FKBP6: variants seen among roughly 807,000 people sequenced by gnomAD.
FKBP6 encodes the protein FKBP prolyl isomerase family member 6 (inactive).
In FKBP6, 29 loss-of-function variants were observed where a neutral mutation model predicts 41.7. The observed-to-expected ratio is 0.70, with a 90% CI of 0.52 to 0.95. The LOEUF (loss-of-function observed/expected upper bound fraction) is 0.95, where lower values mean the gene tolerates loss of function less well. Among genes scored for constraint, FKBP6 ranks in the 40% least tolerant of loss-of-function variants. The pLI, the probability that FKBP6 is intolerant of heterozygous loss-of-function variation, is 0.00. For missense variants in FKBP6, 338 were observed against 408.7 expected, an observed-to-expected ratio of 0.83 and a Z score of 1.49; for synonymous variants, 130 against 165.1, an observed-to-expected ratio of 0.79 and a Z score of 1.63.
intron 8 of FKBP6, among the ~76,000 whole-genome samples, chr7:73,346,891 G>T (rs1479480086): frequency 2.0e-5 from 3 of 152,172 alleles, no homozygotes; most frequent in Non-Finnish European, 4.4e-5. Context: ...TGTGGAGGAG[G>T]GCAGCTTTAG....
chr7:73,355,468 G>A (rs926430124), intron 8 of FKBP6, among the ~76,000 whole-genome samples: 3 of 151,982 alleles, frequency 2.0e-5, no homozygotes, highest in Non-Finnish European at 4.4e-5. Context: ...GGATCCCTTC[G>A]TCTGTAGGGA....
chr7:73,342,102 A>C (rs1009195586), intron 7 of FKBP6, among the ~76,000 whole-genome samples: 8 of 152,004 alleles, frequency 5.3e-5, no homozygotes, highest in African/African-American at 1.9e-4. Flanking sequence ...GGTCTGACTC[A>C]TACCCATGGA....
intron 5 of FKBP6, among the ~76,000 whole-genome samples, chr7:73,336,415 T>C (rs1412256742): frequency 6.6e-6 from 1 of 152,104 alleles, no homozygotes; most frequent in African/African-American, 2.4e-5. Flanking sequence ...TTCAAATATG[T>C]GTGGATGGAT....
rs1426906046 is a variant in FKBP6 at position 73,328,440 on chromosome 7, C to T, written c.12C>T (p.Ser4=). 15 of 1,552,664 alleles carry T rather than the reference C, an allele frequency of 9.7e-6. No individual in the cohort carries two copies. The highest frequency in any genetic ancestry group is 4.3e-4 in the Middle Eastern group (2 of 4,662). ...AGGGCAGCTAGGACATGGGGGGAAG[C>T]GCGTTAAACCAGGGAGTCCTGGAAG... MGG[S]ALNQGVLEGD... Residue 4 remains serine (S), a synonymous_variant, in exon 1 of 9, where the codon AGC becomes AGT. Coordinates refer to ENST00000252037, the MANE Select transcript of FKBP6 (RefSeq NM_003602.5).
intron 8 of FKBP6, among the ~76,000 whole-genome samples, chr7:73,354,331 C>T (rs1312848342): frequency 1.3e-5 from 2 of 152,142 alleles, no homozygotes; most frequent in Non-Finnish European, 2.9e-5. Flanking sequence ...TGGTGGAGCA[C>T]GAGGGTGGCT....
intron 5 of FKBP6, among the ~76,000 whole-genome samples, chr7:73,333,561 C>T (rs1563312602): frequency 1.3e-5 from 2 of 152,218 alleles, no homozygotes; most frequent in African/African-American, 2.4e-5. Flanking sequence ...ACTCTTCTCC[C>T]CTCCCTCCTT....
Position 73,329,964 on chromosome 7 carries a change from A to G in FKBP6, c.266-186A>G, listed in dbSNP as rs1242596754. ...TGGGGGCATTTGAACTGAGCCTGGA[A>G]GTTTGAATAAAATTTATATCAGTAG... On this transcript the variant is annotated intron_variant, in intron 3 of 8. Transcript: ENST00000252037. 21 of 647,776 alleles carry G rather than the reference A, an allele frequency of 3.2e-5. No individual in the cohort carries two copies. In the Admixed American group the frequency reaches 4.9e-4, roughly 15 times the overall value. The allele number at this position is 647,776 out of a possible 1,614,324, so 40.1% of individuals were successfully genotyped here. A position where few individuals can be genotyped will look rare whatever the true frequency, so the allele number is the denominator to read the frequency against.
chr7:73,353,894 C>T (rs147340585), intron 8 of FKBP6, among the ~76,000 whole-genome samples: 2,263 of 152,156 alleles, frequency 0.015, 51 homozygotes, highest in African/African-American at 0.052. Flanking sequence ...CCACCACGCC[C>T]GGCTTATTTT....
At chr7:73,338,337 T>G (rs972473271) in intron 5 of FKBP6, among the ~76,000 whole-genome samples, 2 of 152,244 alleles carry the variant, frequency 1.3e-5, no homozygotes, top group African/African-American at 4.8e-5. Context: ...CTCGTTCTTT[T>G]GTAAGGCTAC....
intron 8 of FKBP6, among the ~76,000 whole-genome samples, chr7:73,345,373 C>G (rs1805306731): frequency 6.6e-6 from 1 of 152,074 alleles, no homozygotes; most frequent in Admixed American, 6.6e-5. Flanking sequence ...GTTTTCTCCC[C>G]CTGTAGGGAG....
intron 5 of FKBP6, 44 bp from the exon 6 acceptor site, chr7:73,340,594 T>C: frequency 6.5e-7 from 1 of 1,539,136 alleles, no homozygotes; most frequent in South Asian, 1.1e-5. Flanking sequence ...GTTTTGTACA[T>C]AAGACTGTTA....
At chr7:73,348,781 A>C (rs540740886) in intron 8 of FKBP6, among the ~76,000 whole-genome samples, 1 of 152,188 alleles carries the variant, frequency 6.6e-6, no homozygotes, top group African/African-American at 2.4e-5. Context: ...ACCTACTTAT[A>C]GTCACTAGTT....
chr7:73,332,559 G>A (rs1554547889), intron 5 of FKBP6, among the ~76,000 whole-genome samples: 1 of 151,960 alleles, frequency 6.6e-6, no homozygotes, highest in Admixed American at 6.6e-5. Context: ...GGGGGATAAG[G>A]GCTGAAGAGG....
chr7:73,344,590 A>C (rs1429719633), intron 8 of FKBP6, among the ~76,000 whole-genome samples: 1 of 19,738 alleles, frequency 5.1e-5, no homozygotes, highest in Non-Finnish European at 9.2e-5. Flanking sequence ...ACTAACCAGG[A>C]CAATTTTTTT....
rs568907522 is a variant in FKBP6 at position 73,346,889 on chromosome 7, A to T, written c.*2+3990A>T. 2.0e-5 allele frequency among the ~76,000 whole-genome samples: 3 copies of T among 152,274 alleles called. No homozygotes were observed. The South Asian group carries it at 6.2e-4, about 32-fold the overall frequency. On this transcript the variant is annotated intron_variant, in intron 8 of 8. Coordinates refer to ENST00000252037, the MANE Select transcript of FKBP6 (RefSeq NM_003602.5). ...TAACCGAAGTTACTGATTGTGGAGG[A>T]GGGCAGCTTTAGTGACATGTCAGCC... is the stretch of plus-strand genomic sequence containing the variant.
chr7:73,338,994 A>T (rs1554549000), intron 5 of FKBP6: 1 of 152,188 alleles, frequency 6.6e-6, no homozygotes. Flanking sequence ...TTCTTTGCTT[A>T]TTTGTGCTTT....
chr7:73,336,865 A>G (rs1805020909), intron 5 of FKBP6: 1 of 454,284 alleles, frequency 2.2e-6, no homozygotes, highest in Admixed American at 2.4e-5. Context: ...AAGTACTTCC[A>G]CAAAATGGAT....
chr7:73,328,368 C>G lies in FKBP6; in HGVS notation c.-61C>G, dbSNP rs111399096. Reference sequence around the variant, plus strand: ...TTCGGAACCCCACCAGAGTCACAGCCAGGGAGGGCAGCGGGGCGCACCAGG... The same window carrying G: ...TTCGGAACCCCACCAGAGTCACAGCGAGGGAGGGCAGCGGGGCGCACCAGG... On this transcript the variant is annotated 5_prime_UTR_variant, in exon 1 of 9. Transcript: ENST00000252037. The G allele has an allele frequency of 1.9e-6, 3 of 1,569,276 alleles. No individual in the cohort carries two copies. The highest frequency in any genetic ancestry group is 2.7e-5 in the African/African-American group (2 of 74,256).
intron 8 of FKBP6, among the ~76,000 whole-genome samples, chr7:73,348,295 CT>C (rs1243829953): frequency 6.6e-6 from 1 of 152,084 alleles, no homozygotes; most frequent in African/African-American, 2.4e-5. Context: ...AATGCCACAC[CT>C]TTCCCCCCCT....
Sources: allele counts gnomAD v4.1 joint callset (sites outside exome capture counted in the v4.1 genomes callset), GRCh38; gene constraint gnomAD v4.1.1; transcripts MANE v1.5; gene names NCBI Gene and HGNC (gene_info 2026-07-23, HGNC 2026-07-21).